ADNP2: variants seen among roughly 807,000 people sequenced by gnomAD.
ADNP2 encodes activity-dependent neuroprotector homeobox protein 2.
ADNP2 carries 8 observed loss-of-function variants against 16.4 expected under a neutral mutation model. The ratio of observed to expected loss-of-function variants is 0.49; its 90% CI spans 0.29 to 0.88. The LOEUF (loss-of-function observed/expected upper bound fraction) is 0.88, where lower values mean the gene tolerates loss of function less well. Ranked by LOEUF, ADNP2 falls within the 40% of genes least tolerant of loss-of-function variation. The probability of loss-of-function intolerance (pLI) is 0.09; values close to 1 mark genes in which losing one functional copy is unlikely to be tolerated. For synonymous variants in ADNP2, 637 were observed against 545.8 expected, an observed-to-expected ratio of 1.17 and a Z score of -2.33; for missense variants, 1,397 against 1,395.1, an observed-to-expected ratio of 1.00 and a Z score of -0.02.
chr18:80,118,413 G>A (rs1221694696), intron 2 of ADNP2, among the ~76,000 whole-genome samples: 2 of 151,276 alleles, frequency 1.3e-5, no homozygotes, highest in African/African-American at 2.4e-5. Context: ...GGGTGACAGA[G>A]TGAGTGAGAC....
rs114944408 is a variant in ADNP2 at position 80,112,163 on chromosome 18, T to G, written c.-14+2691T>G. Among the ~76,000 whole-genome samples, 222 of 152,298 alleles carry G rather than the reference T, an allele frequency of 1.5e-3. 1 individual carries two copies. Among genetic ancestry groups the G allele is most frequent in the African/African-American group, 5.2e-3 (216 of 41,568 alleles). ...TATGGAGAACAGTATCTATAGAGGA[T>G]CTATAAATATGAAAACATTGAACTA... On this transcript the variant is annotated intron_variant, in intron 1 of 3. Transcript: ENST00000262198.
Position 80,133,156 on chromosome 18 carries a change from T to A in ADNP2, c.162T>A (p.Gly54=), listed in dbSNP as rs1064058. 0.2 allele frequency: 322,209 copies of A among 1,611,602 alleles called. 34,263 individuals are homozygous for A. The highest frequency in any genetic ancestry group is 0.26 in the Middle Eastern group (1,560 of 6,050). ...AATACTTTCATAACACATCATGGGG[T>A]GATGTTTCTCTCTGGGAACCTTCTG... ...GEKYFHNTSW[G]DVSLWEPSGK... is the part of the protein sequence containing the mutation. Residue 54 remains glycine, a synonymous_variant, in exon 3 of 4, where the codon GGT becomes GGA. Transcript: ENST00000262198.
rs374486532 is a variant in ADNP2 at position 80,120,534 on chromosome 18, A to G, written c.108+2884A>G. On this transcript the variant is annotated intron_variant, in intron 2 of 3. Coordinates refer to ENST00000262198, the MANE Select transcript of ADNP2 (RefSeq NM_014913.4). ...TATTTTTTTATTGAGTCGAGGTTTC[A>G]CCATGTTGCTCAGGCTGGTCTTGAA... 2.6e-5 allele frequency among the ~76,000 whole-genome samples: 4 copies of G among 151,922 alleles called. No homozygotes were observed. The East Asian group carries it at 7.7e-4, about 29-fold the overall frequency.
chr18:80,134,386 AGTGTGTGTGTGT>A lies in ADNP2; in HGVS notation c.199-1204_199-1193del, dbSNP rs34515123. ...AAAACAAAAAACTGAAGAATGGAAG[AGTGTGTGTGTGT>A]GTGTGTGTGTGTGTGTGTGTGAGAG... is the stretch of plus-strand genomic sequence containing the variant. On this transcript the variant is annotated intron_variant, in intron 3 of 3. Transcript: ENST00000262198. Among the ~76,000 whole-genome samples, 1,296 of 146,316 alleles carry A rather than the reference AGTGTGTGTGTGT, an allele frequency of 8.9e-3. 12 individuals are homozygous for A. The highest frequency in any genetic ancestry group is 0.02 in the Admixed American group (290 of 14,574).
In ADNP2 at chr18:80,138,853, A is replaced by AT. The variant is rs941576319; in HGVS notation, c.*51dup. The AT allele has an allele frequency of 1.4e-5, 20 of 1,423,710 alleles. No individual in the cohort carries two copies. The highest frequency in any genetic ancestry group is 1.7e-5 in the Non-Finnish European group (18 of 1,083,560). The allele number at this position is 1,423,710 out of a possible 1,614,324, so 88.2% of individuals were successfully genotyped here. A position where few individuals can be genotyped will look rare whatever the true frequency, so the allele number is the denominator to read the frequency against. ...AAAGTAACTCTAAAGTAGTAGGTAG[A>AT]TTTTTTTCAGTTGAAATTTCACAGT... On this transcript the variant is annotated 3_prime_UTR_variant, in exon 4 of 4. Transcript: ENST00000262198.
rs754148388 is a variant in ADNP2, at chr18:80,138,728, C to G, written c.3315C>G (p.His1105Gln). Reference protein sequence around the residue: ...RYICMKAIKNHKPSVLLGFDM... With the variant: ...RYICMKAIKNQKPSVLLGFDM... ...TTTGCATGAAAGCAATAAAAAATCA[C>G]AAGCCTTCTGTACTTTTAGGCTTTG... Residue 1105 changes from histidine (H) to glutamine (Q), a missense_variant, in exon 4 of 4, where the codon CAC (histidine) becomes CAG (glutamine). Physicochemically the swap from His to Gln is conservative, Grantham distance 24 (BLOSUM62 0). Around this residue, in one of 3 missense-constraint regions of ADNP2, gnomAD observed 611 missense variants for 648.7 expected, o/e 0.94. Coordinates refer to ENST00000262198, the MANE Select transcript of ADNP2 (RefSeq NM_014913.4). The G allele has an allele frequency of 8.7e-6, 14 of 1,607,616 alleles. No homozygotes were observed. The highest frequency in any genetic ancestry group is 1.2e-5 in the Non-Finnish European group (14 of 1,178,692).
intron 2 of ADNP2, among the ~76,000 whole-genome samples, chr18:80,132,074 C>T (rs1358753855): frequency 6.6e-6 from 1 of 152,092 alleles, no homozygotes; most frequent in Non-Finnish European, 1.5e-5. Flanking sequence ...AGAATCCTTA[C>T]GTTTAGGCTT....
intron 2 of ADNP2, among the ~76,000 whole-genome samples, chr18:80,121,368 C>T (rs1273970418): frequency 1.3e-5 from 2 of 152,292 alleles, no homozygotes; most frequent in Non-Finnish European, 1.5e-5. Flanking sequence ...TTGGCAGGTT[C>T]TTTGCCTGTT....
At chr18:80,129,675 G>A (rs1351562927) in intron 2 of ADNP2, among the ~76,000 whole-genome samples, 1 of 152,170 alleles carries the variant, frequency 6.6e-6, no homozygotes, top group Non-Finnish European at 1.5e-5. Context: ...TATATATGAT[G>A]TTCTATGCTT....
Position 80,135,802 on chromosome 18 carries a change from C to T in ADNP2, c.389C>T (p.Pro130Leu), listed in dbSNP as rs779099751. The T allele has an allele frequency of 6.2e-7, 1 of 1,614,166 alleles. No homozygotes were observed. Among genetic ancestry groups the T allele is most frequent in the Non-Finnish European group, 8.5e-7 (1 of 1,180,040 alleles). ...VGRHFRMFHAPVRKVQNYTVN... is the reference protein window; with the variant it reads ...VGRHFRMFHALVRKVQNYTVN... ...AGGCACTTCAGAATGTTCCATGCAC[C>T]TGTCCGGAAAGTCCAGAACTACACA... Residue 130 changes from proline (P) to leucine (L), a missense_variant, in exon 4 of 4, where the codon CCT (proline) becomes CTT (leucine). Physicochemically the swap from Pro to Leu is moderately conservative, Grantham distance 98 (BLOSUM62 -3). Coordinates refer to ENST00000262198, the MANE Select transcript of ADNP2 (RefSeq NM_014913.4).
chr18:80,135,861 A>G lies in ADNP2; in HGVS notation c.448A>G (p.Ser150Gly). Reference sequence around the variant, plus strand: ...TTTAGGTGAAACTAAATCATCTAGGAGCGATGTGATAAGTTTCACATGTCT... The same window carrying G: ...TTTAGGTGAAACTAAATCATCTAGGGGCGATGTGATAAGTTTCACATGTCT... ...NILGETKSSR[S>G]DVISFTCLKC... The change falls in exon 4 of 4, where the codon AGC (serine) becomes GGC (glycine). Residue 150 changes from serine to glycine, a missense_variant. Physicochemically the swap from Ser to Gly is moderately conservative, Grantham distance 56. Around this residue, in one of 3 missense-constraint regions of ADNP2, gnomAD observed 777 missense variants for 719.4 expected, o/e 1.08. Transcript: ENST00000262198. The G allele has an allele frequency of 6.2e-7, 1 of 1,614,238 alleles. No homozygotes were observed.
chr18:80,133,381 G>A (rs1205071387), intron 3 of ADNP2, among the ~76,000 whole-genome samples, 189 bp downstream of exon 3: 1 of 152,196 alleles, frequency 6.6e-6, no homozygotes, highest in Non-Finnish European at 1.5e-5. Flanking sequence ...CTGATGCTCT[G>A]TTCTGTGTGC....
At position 80,135,977 on chromosome 18, in the gene ADNP2, C is replaced by G. The variant is rs200164332; in HGVS notation, c.564C>G (p.Gly188=). The G allele has an allele frequency of 1.2e-6, 2 of 1,614,064 alleles. No individual in the cohort carries two copies. The highest frequency in any genetic ancestry group is 1.7e-6 in the Non-Finnish European group (2 of 1,180,044). The change falls in exon 4 of 4, where the codon GGC becomes GGG. Residue 188 remains glycine, a synonymous_variant. Coordinates refer to ENST00000262198, the MANE Select transcript of ADNP2 (RefSeq NM_014913.4). ...HFHYLINSYF[G]LRTEEMGEQP... is the part of the protein sequence containing the mutation. ...ACTACTTAATTAACTCCTACTTTGG[C>G]CTAAGAACTGAGGAAATGGGTGAGC...
At chr18:80,130,989 C>G (rs965058082) in intron 2 of ADNP2, among the ~76,000 whole-genome samples, 2 of 152,198 alleles carry the variant, frequency 1.3e-5, no homozygotes, top group Non-Finnish European at 2.9e-5. Flanking sequence ...TTAGTGATGA[C>G]TGCGAAAGGA....
chr18:80,120,332 T>A (rs992807388), intron 2 of ADNP2, among the ~76,000 whole-genome samples: 1 of 127,280 alleles, frequency 7.9e-6, no homozygotes, highest in Non-Finnish European at 1.6e-5. Context: ...GTATATTCTT[T>A]TCTTTTTTTT....
At chr18:80,117,320 C>G (rs1290052999) in intron 1 of ADNP2, among the ~76,000 whole-genome samples, 1 of 152,090 alleles carries the variant, frequency 6.6e-6, no homozygotes, top group Non-Finnish European at 1.5e-5. Flanking sequence ...GTCTTACATA[C>G]AGGTGTGTGA....
intron 1 of ADNP2, among the ~76,000 whole-genome samples, chr18:80,112,594 G>A (rs767574876): frequency 3.3e-5 from 5 of 151,814 alleles, no homozygotes; most frequent in African/African-American, 4.8e-5. Context: ...AAATTCAAGG[G>A]AAAAAAATAA....
At chr18:80,134,022 T>C (rs1314684190) in intron 3 of ADNP2, among the ~76,000 whole-genome samples, 1 of 152,078 alleles carries the variant, frequency 6.6e-6, no homozygotes, top group East Asian at 1.9e-4. Context: ...TTATTTTTTG[T>C]AGAGGTTTGT....
At chr18:80,134,200 A>G (rs996489230) in intron 3 of ADNP2, among the ~76,000 whole-genome samples, 2 of 151,780 alleles carry the variant, frequency 1.3e-5, no homozygotes, top group African/African-American at 4.8e-5. Context: ...AGCCCCATTG[A>G]TTTTTCTCAT....
Sources: gnomAD v4.1 joint callset for allele counts (sites outside exome capture counted in the v4.1 genomes callset) on GRCh38, gnomAD v4.1.1 for gene constraint, gnomAD v4.1.1 regional missense constraint, MANE v1.5 for transcripts, NCBI Gene and HGNC (gene_info 2026-07-23, HGNC 2026-07-21) for gene names.